Variants in PRDM16 observed in about 807,000 individuals in gnomAD.
PRDM16 encodes the protein histone-lysine N-methyltransferase PRDM16.
In PRDM16, 23 loss-of-function variants were observed where a neutral mutation model predicts 110.6. The ratio of observed to expected loss-of-function variants is 0.21; its 90% CI spans 0.15 to 0.29. The LOEUF (loss-of-function observed/expected upper bound fraction) is 0.29, where lower values mean the gene tolerates loss of function less well. PRDM16 is among the 10% of genes least tolerant of loss of function. The probability of loss-of-function intolerance (pLI) is 1.00; values close to 1 mark genes in which losing one functional copy is unlikely to be tolerated. For synonymous variants in PRDM16, 799 were observed against 781.8 expected (o/e 1.02, Z -0.37); for missense variants, 1,615 against 1,794.3 (o/e 0.90, Z 1.81).
chr1:3,254,521 CAGAG>C (rs1161944731), intron 3 of PRDM16, among the ~76,000 whole-genome samples: 2 of 151,660 alleles, frequency 1.3e-5, no homozygotes, highest in East Asian at 1.9e-4. Context: ...CAATAACAGA[CAGAG>C]AGCCAAATCA....
At chr1:3,185,973 G>C in intron 1 of PRDM16, 152 bp from the exon 2 acceptor site, 2 of 639,676 alleles carry the variant, frequency 3.1e-6, no homozygotes, top group Non-Finnish European at 5.6e-6. Flanking sequence ...CAGAGTGGAG[G>C]CAGCGTCTCC....
chr1:3,354,330 C>T (rs1458293043), intron 3 of PRDM16, among the ~76,000 whole-genome samples: 1 of 151,912 alleles, frequency 6.6e-6, no homozygotes, highest in Non-Finnish European at 1.5e-5. Context: ...CGTTGTGGTG[C>T]GTGTCTGTAA....
rs527576765 is a variant in PRDM16 at position 3,099,999 on chromosome 1, G to A, written c.37+30703G>A. 4.2e-4 allele frequency among the ~76,000 whole-genome samples: 64 copies of A among 152,244 alleles called. No homozygotes were observed. In the Middle Eastern group the frequency reaches 0.017, roughly 40 times the overall value. ...CTATGAGATGGAGGCCACTGGGCTC[G>A]GCACCCCTGGGTGAGGGAGCCGTAG... On this transcript the variant is annotated intron_variant, in intron 1 of 16. Coordinates refer to ENST00000270722, the MANE Select transcript of PRDM16 (RefSeq NM_022114.4).
chr1:3,108,985 G>A (rs1375903839), intron 1 of PRDM16, among the ~76,000 whole-genome samples: 1 of 151,882 alleles, frequency 6.6e-6, no homozygotes, highest in East Asian at 1.9e-4. Flanking sequence ...AGGAGGCTGA[G>A]GTATGAGAAT....
At chr1:3,328,883 C>G (rs921322819) in intron 3 of PRDM16, among the ~76,000 whole-genome samples, 1 of 152,124 alleles carries the variant, frequency 6.6e-6, no homozygotes, top group African/African-American at 2.4e-5. Flanking sequence ...CGCCCTGGAC[C>G]CCCCGTTCAG....
Position 3,070,899 on chromosome 1 carries a change from C to T in PRDM16, c.37+1603C>T, listed in dbSNP as rs530470936. ...CCCCCTTCCCGCCGCGCTCCGCTGC[C>T]GGGTGCCCTCGGCCTCGGCCTCCCG... On this transcript the variant is annotated intron_variant, in intron 1 of 16. Coordinates refer to ENST00000270722, the MANE Select transcript of PRDM16 (RefSeq NM_022114.4). Among the ~76,000 whole-genome samples, 452 of 152,356 alleles carry T rather than the reference C, an allele frequency of 3.0e-3. 1 individual carries two copies. Among genetic ancestry groups the T allele is most frequent in the Non-Finnish European group, 4.0e-3 (272 of 68,026 alleles).
Position 3,213,015 on chromosome 1 carries a change from C to T in PRDM16, c.387+26541C>T, listed in dbSNP as rs908019952. Reference sequence around the variant, plus strand: ...GAAGTCAGTGGGACCTTTGTGGCCACGAAACAGGTCTCACCCAGAAAGGAA... The same window carrying T: ...GAAGTCAGTGGGACCTTTGTGGCCATGAAACAGGTCTCACCCAGAAAGGAA... On this transcript the variant is annotated intron_variant, in intron 2 of 16. Coordinates refer to ENST00000270722, the MANE Select transcript of PRDM16 (RefSeq NM_022114.4). This position sits in a 1 kb window ranked among gnomAD's most constrained non-coding sequence, Gnocchi z 5.3. Among the ~76,000 whole-genome samples the T allele has an allele frequency of 9.2e-5, 14 of 152,194 alleles. No homozygotes were observed. Among genetic ancestry groups the T allele is most frequent in the African/African-American group, 1.4e-4 (6 of 41,446 alleles).
At chr1:3,094,046 GC>G (rs1642336126) in intron 1 of PRDM16, among the ~76,000 whole-genome samples, 1 of 152,254 alleles carries the variant, frequency 6.6e-6, no homozygotes, top group African/African-American at 2.4e-5. Flanking sequence ...GCACCAGCCA[GC>G]AACGTGGTCT....
chr1:3,116,880 G>A (rs1446989127), intron 1 of PRDM16, among the ~76,000 whole-genome samples: 1 of 152,188 alleles, frequency 6.6e-6, no homozygotes, highest in Non-Finnish European at 1.5e-5. Context: ...CCCGTGACTG[G>A]GCACTCCTTG....
chr1:3,282,755 G>C (rs937630206), intron 3 of PRDM16, among the ~76,000 whole-genome samples: 3 of 152,164 alleles, frequency 2.0e-5, no homozygotes, highest in African/African-American at 7.2e-5. Context: ...TTCTCCCTAG[G>C]GAGGAGACAC....
intron 14 of PRDM16, among the ~76,000 whole-genome samples, chr1:3,427,958 C>T (rs1035928692): frequency 3.3e-5 from 5 of 152,174 alleles, no homozygotes; most frequent in Non-Finnish European, 7.4e-5. Flanking sequence ...GACCCATGAG[C>T]GCCACAGGCC....
chr1:3,340,625 G>T (rs771665823), intron 3 of PRDM16, among the ~76,000 whole-genome samples: 26 of 152,246 alleles, frequency 1.7e-4, no homozygotes, highest in Admixed American at 5.9e-4. Context: ...AAATAGAGCC[G>T]GGACACTCAA....
At position 3,355,926 on chromosome 1, in the gene PRDM16, C is replaced by T. The variant is rs186205031; in HGVS notation, c.439-29226C>T. Among the ~76,000 whole-genome samples, 441 of 152,166 alleles carry T rather than the reference C, an allele frequency of 2.9e-3. 2 individuals carry two copies. Among genetic ancestry groups the T allele is most frequent in the Non-Finnish European group, 3.1e-3 (211 of 68,000 alleles). ...CCAAACACCCCCCAAACACCCTGGC[C>T]GTAAGATCTGAGGTGAATGTGAGCA... On this transcript the variant is annotated intron_variant, in intron 3 of 16. Coordinates refer to ENST00000270722, the MANE Select transcript of PRDM16 (RefSeq NM_022114.4).
At chr1:3,221,168 A>G (rs1160770006) in intron 2 of PRDM16, among the ~76,000 whole-genome samples, 2 of 152,060 alleles carry the variant, frequency 1.3e-5, no homozygotes, top group South Asian at 2.1e-4. Context: ...ACTCAGCCTC[A>G]GCATTCGGTC....
At chr1:3,203,892 G>A (rs1638689652) in intron 2 of PRDM16, among the ~76,000 whole-genome samples, 2 of 152,246 alleles carry the variant, frequency 1.3e-5, no homozygotes, top group South Asian at 2.1e-4. Context: ...ATCTGGGCCT[G>A]GGCATTTCCA....
chr1:3,256,771 G>A (rs1203877498), intron 3 of PRDM16, among the ~76,000 whole-genome samples: 1 of 152,082 alleles, frequency 6.6e-6, no homozygotes, highest in Non-Finnish European at 1.5e-5. Context: ...GCAGGAGAAT[G>A]GCGTGAACCC....
Position 3,321,222 on chromosome 1 carries a change from G to A in PRDM16, c.439-63930G>A, listed in dbSNP as rs182742556. On this transcript the variant is annotated intron_variant, in intron 3 of 16. Transcript: ENST00000270722. ...TAACCCCGGGTGGGCTGATGGGGGA[G>A]CATGTGTGCACACACGCGTGGGGGT... 2.4e-3 allele frequency among the ~76,000 whole-genome samples: 361 copies of A among 148,966 alleles called. 9 individuals are homozygous for A. Among genetic ancestry groups the A allele is most frequent in the Admixed American group, 0.02 (309 of 15,256 alleles).
intron 3 of PRDM16, among the ~76,000 whole-genome samples, chr1:3,315,630 C>T (rs1172094681): frequency 6.6e-6 from 1 of 152,134 alleles, no homozygotes. Context: ...AGAGGAGGGG[C>T]CTGAGCGCTT....
intron 2 of PRDM16, among the ~76,000 whole-genome samples, chr1:3,241,254 G>A (rs1639667769): frequency 6.6e-6 from 1 of 152,382 alleles, no homozygotes; most frequent in African/African-American, 2.4e-5. Context: ...TGTTGCCATC[G>A]GGCGCCGGTT....
Sources: allele counts gnomAD v4.1 joint callset (sites outside exome capture counted in the v4.1 genomes callset), GRCh38; gene constraint gnomAD v4.1.1; non-coding constraint Gnocchi (gnomAD v3.1); transcripts MANE v1.5; gene names NCBI Gene and HGNC (gene_info 2026-07-23, HGNC 2026-07-21).